Variants in TUT7 observed in about 807,000 individuals in gnomAD.
The protein encoded by TUT7 is terminal uridylyl transferase 7, also known as terminal uridylyltransferase 7.
TUT7 carries 33 observed loss-of-function variants against 165.9 expected under a neutral mutation model. That is an observed-to-expected ratio of 0.20 (90% CI 0.15 to 0.27). TUT7 has a LOEUF of 0.27. Among genes scored for constraint, TUT7 ranks in the 10% least tolerant of loss-of-function variants. The pLI, the probability that TUT7 is intolerant of heterozygous loss-of-function variation, is 1.00. For synonymous variants in TUT7, 552 were observed against 608.1 expected (o/e 0.91, Z 1.36); for missense variants, 1,338 against 1,762.3 (o/e 0.76, Z 4.31).
chr9:86,301,780 G>C (rs998670025), intron 25 of TUT7, 179 bp from the exon 26 acceptor site: 1 of 985,244 alleles, frequency 1.0e-6, no homozygotes, highest in East Asian at 1.1e-4. Context: ...TGCTCCCTCA[G>C]GGTTTAAGGG....
Position 86,345,106 on chromosome 9 carries a change from A to G in TUT7, c.868T>C (p.Ser290Pro). Residue 290 changes from serine (S) to proline (P), a missense_variant, in exon 5 of 27, where the codon TCC becomes CCC. Physicochemically the swap from Ser to Pro is moderately conservative, Grantham distance 74 (BLOSUM62 -1). Transcript: ENST00000375963. ...GCAATGCCAACTGCATTTATCTGGG[A>G]GGGTGTTGGTGGGGGTAACGTAGTG... The part of the protein sequence containing the change: ...LLTTLPPPTP[S>P]QINAVGIAID... 1 of 1,613,686 alleles carries G rather than the reference A, an allele frequency of 6.2e-7. No individual in the cohort carries two copies. Among genetic ancestry groups the G allele is most frequent in the Non-Finnish European group, 8.5e-7 (1 of 1,179,826 alleles).
At chr9:86,307,824 C>G (rs1302842806) in intron 22 of TUT7, among the ~76,000 whole-genome samples, 3 of 152,066 alleles carry the variant, frequency 2.0e-5, no homozygotes, top group African/African-American at 4.8e-5. Context: ...GAAACCCCAT[C>G]TCTACTAAAA....
chr9:86,315,338 T>G (rs1828602695), intron 17 of TUT7, among the ~76,000 whole-genome samples: 1 of 152,220 alleles, frequency 6.6e-6, no homozygotes, highest in Non-Finnish European at 1.5e-5. Context: ...GTTTTTAACA[T>G]CGTTCCTTCT....
intron 8 of TUT7, among the ~76,000 whole-genome samples, chr9:86,339,298 G>A (rs1259516482): frequency 6.6e-6 from 1 of 152,080 alleles, no homozygotes; most frequent in African/African-American, 2.4e-5. Flanking sequence ...AGGCCAAGGC[G>A]GGCAGATCAT....
intron 10 of TUT7, among the ~76,000 whole-genome samples, chr9:86,335,904 C>T (rs1253897936): frequency 6.6e-6 from 1 of 152,128 alleles, no homozygotes; most frequent in Non-Finnish European, 1.5e-5. Flanking sequence ...ATGATCCAAT[C>T]AAAATCAAAT....
intron 14 of TUT7, among the ~76,000 whole-genome samples, chr9:86,322,029 T>C (rs1829349623): frequency 6.6e-6 from 1 of 152,038 alleles, no homozygotes; most frequent in African/African-American, 2.4e-5. Context: ...TGACTCATGA[T>C]TGCTCTGCTA....
chr9:86,349,573 G>GA (rs201343581), intron 2 of TUT7, among the ~76,000 whole-genome samples: 3 of 151,800 alleles, frequency 2.0e-5, no homozygotes, highest in Non-Finnish European at 2.9e-5. Flanking sequence ...ATGTGGGGGG[G>GA]AAAAAAGCAA....
intron 26 of TUT7, chr9:86,298,880 A>C (rs143453008): frequency 1.1e-6 from 1 of 908,310 alleles, no homozygotes; most frequent in African/African-American, 1.8e-5. Flanking sequence ...AGAGCATCTG[A>C]AACAGCCTTA....
At chr9:86,314,383 T>G (rs1828513888) in intron 17 of TUT7, among the ~76,000 whole-genome samples, 1 of 122,668 alleles carries the variant, frequency 8.2e-6, no homozygotes, top group African/African-American at 3.0e-5. Flanking sequence ...CTTCAAGGCT[T>G]TCAATGCAAA....
intron 18 of TUT7, 85 bp from the exon 19 acceptor site, chr9:86,310,102 G>GTTTTAAATA: frequency 8.7e-7 from 1 of 1,149,766 alleles, no homozygotes; most frequent in Non-Finnish European, 1.2e-6. Context: ...TTTAAATAAT[G>GTTTTAAATA]GAGATGGGAT....
chr9:86,309,529 T>G lies in TUT7; in HGVS notation c.3516A>C (p.Ala1172=), dbSNP rs1318048696. 1 of 1,613,540 alleles carries G rather than the reference T, an allele frequency of 6.2e-7. No individual in the cohort carries two copies. The highest frequency in any genetic ancestry group is 8.5e-7 in the Non-Finnish European group (1 of 1,179,928). ...GAAAATATAGCACCATAAGAGTATA[T>G]GCATACGATGATAAGCTGCCTCTAG... is the stretch of plus-strand genomic sequence containing the variant. ...DASRGSLSSY[A]YTLMVLYFLQ... is the part of the protein sequence containing the mutation. The change falls in exon 20 of 27, where the codon GCA becomes GCC. Residue 1172 remains alanine (A), a synonymous_variant. Coordinates refer to ENST00000375963, the MANE Select transcript of TUT7 (RefSeq NM_024617.4).
Position 86,311,074 on chromosome 9 carries a change from A to G in TUT7, c.3275-265T>C, listed in dbSNP as rs929820019. Among the ~76,000 whole-genome samples the G allele has an allele frequency of 1.3e-5, 2 of 152,230 alleles. No homozygotes were observed. Among genetic ancestry groups the G allele is most frequent in the African/African-American group, 4.8e-5 (2 of 41,454 alleles). On this transcript the variant is annotated intron_variant, in intron 17 of 26. Coordinates refer to ENST00000375963, the MANE Select transcript of TUT7 (RefSeq NM_024617.4). The surrounding 1 kb of genome is among the most constrained non-coding windows in gnomAD (Gnocchi z 4.4). ...TGGGAACTTACTGGATCGTATGTGC[A>G]CACGTGTGCATGTGTGTATATGCAT... is the stretch of plus-strand genomic sequence containing the variant.
intron 10 of TUT7, among the ~76,000 whole-genome samples, chr9:86,333,044 T>G (rs1056334849): frequency 3.9e-5 from 6 of 152,166 alleles, no homozygotes; most frequent in Non-Finnish European, 8.8e-5. Flanking sequence ...CTTGACTCTT[T>G]CTGAGTAATT....
chr9:86,343,420 T>C (rs1428434825), intron 5 of TUT7, among the ~76,000 whole-genome samples: 1 of 152,220 alleles, frequency 6.6e-6, no homozygotes, highest in Non-Finnish European at 1.5e-5. Flanking sequence ...GTCAAATTGC[T>C]ACGTTATCAT....
intron 26 of TUT7, among the ~76,000 whole-genome samples, chr9:86,300,430 T>C (rs1826775298): frequency 6.6e-6 from 1 of 152,362 alleles, no homozygotes; most frequent in Admixed American, 6.5e-5. Context: ...AGCGACAGGA[T>C]TGACTACTTT....
At chr9:86,302,474 C>A (rs1827017817) in intron 25 of TUT7, among the ~76,000 whole-genome samples, 1 of 152,220 alleles carries the variant, frequency 6.6e-6, no homozygotes, top group Non-Finnish European at 1.5e-5. Flanking sequence ...TTCTGAACTT[C>A]TCACTACTGT....
intron 22 of TUT7, 48 bp downstream of exon 22, chr9:86,308,381 G>A: frequency 6.6e-7 from 1 of 1,526,082 alleles, no homozygotes; most frequent in Non-Finnish European, 8.9e-7. Flanking sequence ...TGTCCTTATA[G>A]TTCAAGCTCT....
chr9:86,329,981 C>T (rs545536718), intron 10 of TUT7, among the ~76,000 whole-genome samples: 5 of 152,168 alleles, frequency 3.3e-5, no homozygotes, highest in Non-Finnish European at 7.3e-5. Context: ...AAAGTACCAC[C>T]ACTGCATATA....
intron 2 of TUT7, among the ~76,000 whole-genome samples, chr9:86,348,901 C>T (rs1243246997): frequency 6.6e-6 from 1 of 152,166 alleles, no homozygotes; most frequent in African/African-American, 2.4e-5. Context: ...ATATAACCTT[C>T]TAAACCTACT....
Sources: allele counts gnomAD v4.1 joint callset (sites outside exome capture counted in the v4.1 genomes callset), GRCh38; gene constraint gnomAD v4.1.1; non-coding constraint Gnocchi (gnomAD v3.1); transcripts MANE v1.5; gene names NCBI Gene and HGNC (gene_info 2026-07-23, HGNC 2026-07-21).